Variants in MCTP2 observed in about 807,000 individuals in gnomAD.
MCTP2 encodes the protein multiple C2 and transmembrane domain containing 2, also known as multiple C2 and transmembrane domain-containing protein 2.
In MCTP2, 132 loss-of-function variants were observed where a neutral mutation model predicts 111.6. The ratio of observed to expected loss-of-function variants is 1.18; its 90% CI spans 1.03 to 1.37. The LOEUF is 1.37. Ranked by LOEUF, MCTP2 falls within the 40% of genes most tolerant of loss-of-function variation. MCTP2 has a pLI of 0.00. For synonymous variants in MCTP2, 395 were observed against 387.7 expected (o/e 1.02, Z -0.22); for missense variants, 1,183 against 1,067.9 (o/e 1.11, Z -1.50).
intron 20 of MCTP2, among the ~76,000 whole-genome samples, chr15:94,464,223 ATATGTT>A (rs1567763610): frequency 1.1e-5 from 1 of 91,326 alleles, no homozygotes; most frequent in Non-Finnish European, 2.3e-5. Context: ...ATGAAATATT[ATATGTT>A]TATATATATA....
At chr15:94,411,759 A>C (rs778066780) in intron 17 of MCTP2, among the ~76,000 whole-genome samples, 2 of 152,192 alleles carry the variant, frequency 1.3e-5, no homozygotes, top group African/African-American at 2.4e-5. Flanking sequence ...TACAAAAAAA[A>C]AGATTTTGAT....
chr15:94,402,555 T>C (rs1412080931), intron 17 of MCTP2: 5 of 1,551,768 alleles, frequency 3.2e-6, no homozygotes, highest in South Asian at 1.2e-5. Context: ...CCCATCCTTA[T>C]GAGCATAATA....
intron 17 of MCTP2, among the ~76,000 whole-genome samples, chr15:94,426,653 C>T (rs1037615804): frequency 2.0e-4 from 31 of 152,144 alleles, no homozygotes; most frequent in African/African-American, 7.5e-4. Flanking sequence ...ATCTAAATCA[C>T]CCATCTATTC....
Position 94,345,141 on chromosome 15 carries a change from C to G in MCTP2, c.982C>G (p.Arg328Gly), listed in dbSNP as rs202137443. 6.2e-7 allele frequency: 1 copy of G among 1,612,536 alleles called. No individual in the cohort carries two copies. Among genetic ancestry groups the G allele is most frequent in the Non-Finnish European group, 8.5e-7 (1 of 1,178,980 alleles). The change falls in exon 8 of 23, where the codon CGG (arginine) becomes GGG (glycine). Residue 328 changes from arginine to glycine, a missense_variant. Physicochemically the swap from Arg to Gly is moderately radical, Grantham distance 125 (BLOSUM62 -2). Transcript: ENST00000357742. ...CACAAATCTTTAGCGTTGGTCAAAT[C>G]GGAAGCGATTAAGTGCCAGCAAGGT... ...GDFKRHRWSN[R>G]KRLSASKSSL...
At chr15:94,402,268 T>G in intron 17 of MCTP2, 1 of 982,584 alleles carries the variant, frequency 1.0e-6, no homozygotes, top group Non-Finnish European at 1.2e-6. Flanking sequence ...CAGCTACATT[T>G]GTATAGCCCT....
At chr15:94,385,580 T>G (rs1249536113) in intron 14 of MCTP2, 55 bp downstream of exon 14, 1 of 1,238,038 alleles carries the variant, frequency 8.1e-7, no homozygotes, top group South Asian at 1.2e-5. Flanking sequence ...TTGATGAGTT[T>G]CTATGGTCTA....
At chr15:94,357,255 T>C (rs1201393799) in intron 9 of MCTP2, among the ~76,000 whole-genome samples, 2 of 152,198 alleles carry the variant, frequency 1.3e-5, no homozygotes, top group East Asian at 3.8e-4. Context: ...TGAAGAATAG[T>C]TTATAAAAAA....
chr15:94,368,327 A>C (rs1271847383), intron 11 of MCTP2, among the ~76,000 whole-genome samples: 1 of 152,204 alleles, frequency 6.6e-6, no homozygotes, highest in African/African-American at 2.4e-5. Flanking sequence ...TGAGCTTAAC[A>C]GTCCACTCAG....
At chr15:94,405,466 G>C (rs1192517987) in intron 17 of MCTP2, among the ~76,000 whole-genome samples, 1 of 152,182 alleles carries the variant, frequency 6.6e-6, no homozygotes, top group Non-Finnish European at 1.5e-5. Context: ...AGGCTCTTAA[G>C]ATCTAGGTCC....
chr15:94,467,375 C>A (rs1299164234), intron 20 of MCTP2, among the ~76,000 whole-genome samples: 3 of 151,968 alleles, frequency 2.0e-5, no homozygotes, highest in Non-Finnish European at 2.9e-5. Flanking sequence ...ATTTCTTTTT[C>A]CTTAGTTATT....
intron 21 of MCTP2, among the ~76,000 whole-genome samples, chr15:94,472,178 G>C (rs539048089): frequency 1.3e-5 from 2 of 152,218 alleles, no homozygotes; most frequent in East Asian, 3.9e-4. Flanking sequence ...AGGAGTTCGA[G>C]ACCAGCCTGG....
chr15:94,303,375 C>T (rs1204727227), intron 2 of MCTP2, among the ~76,000 whole-genome samples: 1 of 151,816 alleles, frequency 6.6e-6, no homozygotes, highest in East Asian at 1.9e-4. Context: ...TCACATTTTT[C>T]TGCCTGCTTA....
chr15:94,339,306 T>C lies in MCTP2; in HGVS notation c.654T>C (p.Tyr218=), dbSNP rs533818408. 2.0e-5 allele frequency: 32 copies of C among 1,605,970 alleles called. No individual in the cohort carries two copies. In the South Asian group the frequency reaches 3.3e-4, roughly 17 times the overall value. ...VRDRCGTSDP[Y]VKFKLNGKTL... Reference sequence around the variant, plus strand: ...CTTTTAAAGGCACAAGTGATCCTTATGTGAAATTTAAGCTGAATGGGAAGA... The same window carrying C: ...CTTTTAAAGGCACAAGTGATCCTTACGTGAAATTTAAGCTGAATGGGAAGA... Residue 218 remains tyrosine (Y), a synonymous_variant, in exon 5 of 23, where the codon TAT becomes TAC. Transcript: ENST00000357742.
At chr15:94,311,477 C>T (rs547319198) in intron 2 of MCTP2, among the ~76,000 whole-genome samples, 2 of 152,298 alleles carry the variant, frequency 1.3e-5, no homozygotes, top group East Asian at 3.8e-4. Context: ...AACTTCTACT[C>T]AACGAATAAT....
At chr15:94,233,185 G>A (rs2070309346) in intron 1 of MCTP2, among the ~76,000 whole-genome samples, 1 of 152,146 alleles carries the variant, frequency 6.6e-6, no homozygotes, top group African/African-American at 2.4e-5. Context: ...CAGGAATGAA[G>A]TGAGCACTGT....
intron 4 of MCTP2, among the ~76,000 whole-genome samples, chr15:94,323,119 T>C (rs745633869): frequency 3.3e-5 from 5 of 152,172 alleles, no homozygotes; most frequent in Non-Finnish European, 5.9e-5. Context: ...CAAGGTGGGA[T>C]TTGGAGATTT....
At chr15:94,368,079 A>C (rs997569058) in intron 11 of MCTP2, among the ~76,000 whole-genome samples, 2 of 152,092 alleles carry the variant, frequency 1.3e-5, no homozygotes, top group Admixed American at 1.3e-4. Context: ...CCAGGGAAGC[A>C]GACTCCTGCT....
At position 94,390,049 on chromosome 15, in the gene MCTP2, CATATATATATATATAT is replaced by C. The variant is rs1169783409; in HGVS notation, c.1788+4549_1788+4564del. 1.3e-3 allele frequency among the ~76,000 whole-genome samples: 145 copies of C among 109,658 alleles called. 1 individual carries two copies. The highest frequency in any genetic ancestry group is 5.5e-3 in the African/African-American group (132 of 23,906). The allele number at this position is 109,658 out of a possible 152,430, so 71.9% of individuals were successfully genotyped here. ...CATTATTGATGGTGAATGTTCAAGG[CATATATATATATATAT>C]ATATATATATATATATATATATATG... is the stretch of plus-strand genomic sequence containing the variant. On this transcript the variant is annotated intron_variant, in intron 14 of 22. Coordinates refer to ENST00000357742, the MANE Select transcript of MCTP2 (RefSeq NM_001385001.1).
Position 94,298,214 on chromosome 15 carries a change from T to G in MCTP2, c.-52T>G. On this transcript the variant is annotated 5_prime_UTR_variant, in exon 2 of 23. Coordinates refer to ENST00000357742, the MANE Select transcript of MCTP2 (RefSeq NM_001385001.1). ...TCTGTTTTATAGGAGTCATTGCAGT[T>G]TTCAGTAGAGGTGTACTTCTGAGAA... is the stretch of plus-strand genomic sequence containing the variant. 7.1e-7 allele frequency: 1 copy of G among 1,409,690 alleles called. No homozygotes were observed. Among genetic ancestry groups the G allele is most frequent in the Non-Finnish European group, 9.6e-7 (1 of 1,044,144 alleles). 87.3% of individuals were successfully genotyped at this position (1,409,690 alleles called of 1,614,324 possible).
Sources: gnomAD v4.1 joint callset for allele counts (sites outside exome capture counted in the v4.1 genomes callset) on GRCh38, gnomAD v4.1.1 for gene constraint, MANE v1.5 for transcripts, NCBI Gene and HGNC (gene_info 2026-07-23, HGNC 2026-07-21) for gene names.